Variants in DNAH5 observed in about 807,000 individuals in gnomAD.
The protein encoded by DNAH5 is axonemal beta dynein heavy chain 5.
DNAH5 carries 372 observed loss-of-function variants against 518.2 expected under a neutral mutation model. The observed-to-expected ratio is 0.72, with a 90% confidence interval of 0.66 to 0.78. The LOEUF is 0.78. Among genes scored for constraint, DNAH5 ranks in the 30% least tolerant of loss-of-function variants. DNAH5 has a pLI of 0.00. For synonymous variants in DNAH5, 2,039 were observed against 2,025.9 expected (o/e 1.01, Z -0.17); for missense variants, 5,523 against 5,687.0 (o/e 0.97, Z 0.93).
chr5:13,798,459 T>C (rs1292029338), intron 47 of DNAH5, among the ~76,000 whole-genome samples: 2 of 152,106 alleles, frequency 1.3e-5, no homozygotes, highest in African/African-American at 4.8e-5. Flanking sequence ...TATATAACTG[T>C]AGGAATCCAC....
chr5:13,763,202 A>G (rs1300816014), intron 59 of DNAH5, among the ~76,000 whole-genome samples: 2 of 152,172 alleles, frequency 1.3e-5, no homozygotes, highest in Non-Finnish European at 2.9e-5. Context: ...TAATATTGTT[A>G]TTAGAATTTC....
At chr5:13,830,351 C>T in intron 36 of DNAH5, 138 bp from the exon 37 acceptor site, 1 of 920,062 alleles carries the variant, frequency 1.1e-6, no homozygotes, top group Non-Finnish European at 1.7e-6. Flanking sequence ...ATCTATGCAT[C>T]AAGTGACCCA....
intron 1 of DNAH5, among the ~76,000 whole-genome samples, chr5:13,985,393 G>A (rs561303240): frequency 9.2e-4 from 135 of 146,664 alleles, no homozygotes; most frequent in African/African-American, 3.0e-3. Context: ...AAACCTGCAC[G>A]TTGTGCACAT....
At chr5:13,701,984 T>C (rs2126414427) in intron 76 of DNAH5, among the ~76,000 whole-genome samples, 1 of 152,352 alleles carries the variant, frequency 6.6e-6, no homozygotes, top group East Asian at 1.9e-4. Context: ...TTTTCCAGAA[T>C]GTTTATCCCT....
chr5:13,918,005 A>G (rs528941222), intron 7 of DNAH5, among the ~76,000 whole-genome samples: 1 of 152,342 alleles, frequency 6.6e-6, no homozygotes, highest in Non-Finnish European at 1.5e-5. Flanking sequence ...GACGGTCCCC[A>G]GTGACCACAG....
In DNAH5 at chr5:13,862,637, T is replaced by C. The variant is rs886059985; in HGVS notation, c.4707A>G (p.Gly1569=). 1.1e-5 allele frequency: 17 copies of C among 1,614,060 alleles called. No individual in the cohort carries two copies. Among genetic ancestry groups the C allele is most frequent in the Middle Eastern group, 1.6e-4 (1 of 6,062 alleles). Residue 1569 remains glycine, a synonymous_variant, in exon 29 of 79, where the codon GGA becomes GGG. Coordinates refer to ENST00000265104, the MANE Select transcript of DNAH5 (RefSeq NM_001369.3). Reference sequence around the variant, plus strand: ...TACTGTCTCCTCTCAAGAGGAGCTCTCCACGGGTTTTAAAGCTGCCGAAGG... The same window carrying C: ...TACTGTCTCCTCTCAAGAGGAGCTCCCCACGGGTTTTAAAGCTGCCGAAGG... ...TFTFGSFKTR[G]ELLLRGDSTS...
In DNAH5 at chr5:13,770,821, T is replaced by C. The variant is rs1417478346; in HGVS notation, c.9533A>G (p.Tyr3178Cys). 4 of 1,614,066 alleles carry C rather than the reference T, an allele frequency of 2.5e-6. No individual in the cohort carries two copies. In the African/African-American group the frequency reaches 4.0e-5, roughly 16 times the overall value. ...RRSTHVTPKS[Y>C]LSFIQGYKFI... is the part of the protein sequence containing the mutation. ...CTTATAGCCCTGAATAAAGGAGAGG[T>C]ATGATTTGGGCGTCACGTGGGTAGA... The change falls in exon 56 of 79, where the codon TAC (tyrosine) becomes TGC (cysteine). Residue 3178 changes from tyrosine to cysteine, a missense_variant. By Grantham distance (194) the Tyr-to-Cys change is radical. This residue lies in a region of DNAH5 where 5,121 missense variants were observed against 5,223.3 expected (regional missense o/e 0.98). Coordinates refer to ENST00000265104, the MANE Select transcript of DNAH5 (RefSeq NM_001369.3).
At chr5:13,955,321 T>C (rs1452152909) in intron 1 of DNAH5, among the ~76,000 whole-genome samples, 1 of 152,166 alleles carries the variant, frequency 6.6e-6, no homozygotes, top group African/African-American at 2.4e-5. Flanking sequence ...GTTAAGCCTG[T>C]GGAAACATGA....
rs1554104341 is a variant in DNAH5, at chr5:13,922,211, G to T, written c.556C>A (p.Leu186Ile). 2 of 1,613,892 alleles carry T rather than the reference G, an allele frequency of 1.2e-6. No individual in the cohort carries two copies. Among genetic ancestry groups the T allele is most frequent in the Non-Finnish European group, 1.7e-6 (2 of 1,179,980 alleles). Residue 186 changes from leucine to isoleucine, a missense_variant, in exon 5 of 79, where the codon CTC becomes ATC. Coordinates refer to ENST00000265104, the MANE Select transcript of DNAH5 (RefSeq NM_001369.3). ...LRATSHGWGE[L>I]EGLQDAANIR... ...TTAGCTGCGTCCTGAAGGCCCTCGA[G>T]CTCGCCCCAGCCATGGCTCGTGGCT...
chr5:13,895,607 T>C (rs1211231373), intron 15 of DNAH5, among the ~76,000 whole-genome samples: 2 of 152,004 alleles, frequency 1.3e-5, no homozygotes, highest in Non-Finnish European at 2.9e-5. Flanking sequence ...CCAAATCTTG[T>C]TGCCAAGACC....
intron 74 of DNAH5, among the ~76,000 whole-genome samples, chr5:13,715,541 A>G (rs1028786560): frequency 1.3e-5 from 2 of 152,244 alleles, no homozygotes; most frequent in African/African-American, 2.4e-5. Context: ...TGATAAACTC[A>G]TTACATTTGT....
At chr5:13,935,004 C>CT (rs1333475275) in intron 1 of DNAH5, among the ~76,000 whole-genome samples, 4 of 152,218 alleles carry the variant, frequency 2.6e-5, no homozygotes, top group Admixed American at 6.5e-5. Context: ...AGTGATCACT[C>CT]TAAGTTTGTG....
chr5:13,837,400 AT>A (rs1386248813), intron 35 of DNAH5, among the ~76,000 whole-genome samples: 2 of 152,160 alleles, frequency 1.3e-5, no homozygotes, highest in Admixed American at 1.3e-4. Flanking sequence ...GATGAAAAGG[AT>A]TCAGTAGAAA....
intron 53 of DNAH5, among the ~76,000 whole-genome samples, chr5:13,778,941 C>T (rs1277551789): frequency 6.6e-6 from 1 of 152,172 alleles, no homozygotes; most frequent in African/African-American, 2.4e-5. Context: ...GTTGGGTATA[C>T]TGGATGTGGC....
chr5:13,800,302 G>A (rs1183902416), intron 47 of DNAH5, among the ~76,000 whole-genome samples: 1 of 152,072 alleles, frequency 6.6e-6, no homozygotes, highest in African/African-American at 2.4e-5. Context: ...GGGGCTGTTC[G>A]AAAAAACTGT....
intron 31 of DNAH5, among the ~76,000 whole-genome samples, chr5:13,848,748 C>A (rs959350963): frequency 6.6e-6 from 1 of 152,160 alleles, no homozygotes; most frequent in Non-Finnish European, 1.5e-5. Flanking sequence ...TACTATGAGA[C>A]CCTAATGTTG....
intron 47 of DNAH5, among the ~76,000 whole-genome samples, chr5:13,805,505 T>C (rs1352372894): frequency 6.6e-6 from 1 of 151,428 alleles, no homozygotes; most frequent in Non-Finnish European, 1.5e-5. Context: ...TCAAAAAAAA[T>C]AAAAAGATCT....
intron 62 of DNAH5, 81 bp from the exon 63 acceptor site, chr5:13,753,630 A>G: frequency 1.6e-6 from 2 of 1,269,296 alleles, no homozygotes; most frequent in Non-Finnish European, 2.2e-6. Context: ...GAAAAAAATT[A>G]AAAAGACAAT....
chr5:13,710,721 A>C (rs1236247695), intron 75 of DNAH5, among the ~76,000 whole-genome samples: 1 of 152,212 alleles, frequency 6.6e-6, no homozygotes, highest in Non-Finnish European at 1.5e-5. Flanking sequence ...AAGGTCATTC[A>C]AGGCTATTAT....
Sources: gnomAD v4.1 joint callset for allele counts (sites outside exome capture counted in the v4.1 genomes callset) on GRCh38, gnomAD v4.1.1 for gene constraint, gnomAD v4.1.1 regional missense constraint, MANE v1.5 for transcripts, NCBI Gene and HGNC (gene_info 2026-07-23, HGNC 2026-07-21) for gene names.